The following CFDP1 variants were observed in gnomAD, a reference collection of about 807,000 sequenced individuals.
The protein encoded by CFDP1 is heterochromatin-stabilizing protein CFDP1.
A neutral mutation model predicts 40.1 loss-of-function variants in CFDP1; 31 were observed. That is an observed-to-expected ratio of 0.77 (90% CI 0.58 to 1.04). The LOEUF is 1.04. Ranked by LOEUF, CFDP1 falls within the 50% of genes least tolerant of loss-of-function variation. The pLI, the probability that CFDP1 is intolerant of heterozygous loss-of-function variation, is 0.00. For synonymous variants in CFDP1, 167 were observed against 120.0 expected (o/e 1.39, Z -2.56); for missense variants, 423 against 343.4 (o/e 1.23, Z -1.83).
chr16:75,301,228 T>G (rs1359921608), intron 6 of CFDP1, among the ~76,000 whole-genome samples: 1 of 152,146 alleles, frequency 6.6e-6, no homozygotes, highest in Non-Finnish European at 1.5e-5. Flanking sequence ...CTACTTTATA[T>G]ATGAAGAAAA....
At chr16:75,309,543 G>T (rs1266263703) in intron 5 of CFDP1, among the ~76,000 whole-genome samples, 1 of 151,952 alleles carries the variant, frequency 6.6e-6, no homozygotes, top group Non-Finnish European at 1.5e-5. Flanking sequence ...CAATCCAACC[G>T]GGCGCTGTGG....
chr16:75,348,336 A>G (rs113227591), intron 5 of CFDP1, among the ~76,000 whole-genome samples: 66 of 152,244 alleles, frequency 4.3e-4, no homozygotes, highest in Non-Finnish European at 7.6e-4. Flanking sequence ...CTAAGATTAT[A>G]TAAGATGTCA....
intron 4 of CFDP1, 142 bp from the exon 5 acceptor site, chr16:75,395,351 C>G: frequency 1.1e-6 from 1 of 885,598 alleles, no homozygotes; most frequent in Non-Finnish European, 1.7e-6. Flanking sequence ...TAAAAGTTTA[C>G]TATAACTTTC....
At chr16:75,430,585 T>C (rs773267371) in intron 1 of CFDP1, among the ~76,000 whole-genome samples, 1 of 151,876 alleles carries the variant, frequency 6.6e-6, no homozygotes, top group African/African-American at 2.4e-5. Context: ...TGCCTCAGCC[T>C]CCCCAGTAGA....
chr16:75,433,449 G>T lies in CFDP1; in HGVS notation c.-97C>A, dbSNP rs566950171. On this transcript the variant is annotated 5_prime_UTR_variant, in exon 1 of 7. Coordinates refer to ENST00000283882, the MANE Select transcript of CFDP1 (RefSeq NM_006324.3). ...GAGACCATAGAGCCCCGGCGGCGGC[G>T]ACGGCAGCTAGGGCGGCCCCCGACA... 2 of 1,261,276 alleles carry T rather than the reference G, an allele frequency of 1.6e-6. No homozygotes were observed. The highest frequency in any genetic ancestry group is 2.4e-4 in the Middle Eastern group (1 of 4,124). 78.1% of individuals were successfully genotyped at this position (1,261,276 alleles called of 1,614,324 possible).
chr16:75,304,058 C>A (rs1040334018), intron 6 of CFDP1, among the ~76,000 whole-genome samples: 170 of 48,682 alleles, frequency 3.5e-3, no homozygotes, highest in Non-Finnish European at 7.6e-3. Flanking sequence ...TTTTCTTTTC[C>A]TTTCTCTCTC....
chr16:75,327,053 G>A (rs2078407008), intron 5 of CFDP1, among the ~76,000 whole-genome samples: 1 of 152,166 alleles, frequency 6.6e-6, no homozygotes, highest in South Asian at 2.1e-4. Context: ...GGCGGATCAT[G>A]AGGTCAGGAG....
At chr16:75,386,373 T>C (rs1173251657) in intron 5 of CFDP1, among the ~76,000 whole-genome samples, 1 of 152,200 alleles carries the variant, frequency 6.6e-6, no homozygotes, top group African/African-American at 2.4e-5. Flanking sequence ...AGGTATTCAA[T>C]CCGAACTGAC....
At chr16:75,424,904 T>C (rs1215580154) in intron 1 of CFDP1, among the ~76,000 whole-genome samples, 1 of 152,176 alleles carries the variant, frequency 6.6e-6, no homozygotes, top group Non-Finnish European at 1.5e-5. Flanking sequence ...ATAAAACTGT[T>C]TCTATTCACA....
At chr16:75,352,484 TGAA>T (rs1347604477) in intron 5 of CFDP1, among the ~76,000 whole-genome samples, 1 of 152,002 alleles carries the variant, frequency 6.6e-6, no homozygotes, top group Non-Finnish European at 1.5e-5. Context: ...AACAAATAAA[TGAA>T]GAAATGATAA....
At chr16:75,431,081 A>G (rs1284850993) in intron 1 of CFDP1, among the ~76,000 whole-genome samples, 1 of 152,200 alleles carries the variant, frequency 6.6e-6, no homozygotes. Context: ...AGAGAAAACA[A>G]GAAGTGCAGG....
chr16:75,325,799 C>T (rs1027701734), intron 5 of CFDP1, among the ~76,000 whole-genome samples: 14 of 152,200 alleles, frequency 9.2e-5, no homozygotes, highest in African/African-American at 3.4e-4. Flanking sequence ...CATTGGCTAA[C>T]CTCTTAGTTG....
chr16:75,352,602 TTA>T (rs2078620962), intron 5 of CFDP1, among the ~76,000 whole-genome samples: 3 of 152,164 alleles, frequency 2.0e-5, no homozygotes, highest in Admixed American at 6.5e-5. Flanking sequence ...ACAGGGACGT[TTA>T]TGTCTTCCTT....
intron 6 of CFDP1, among the ~76,000 whole-genome samples, chr16:75,297,766 G>A (rs1225762925): frequency 2.6e-5 from 4 of 152,192 alleles, no homozygotes; most frequent in Admixed American, 2.6e-4. Flanking sequence ...TTTAGAACCA[G>A]GTTAGGCACA....
chr16:75,364,975 T>C (rs2078704040), intron 5 of CFDP1, among the ~76,000 whole-genome samples: 1 of 152,214 alleles, frequency 6.6e-6, no homozygotes. Context: ...GTATTTTAAA[T>C]AGATGGGTGC....
At chr16:75,326,928 G>C (rs545460599) in intron 5 of CFDP1, among the ~76,000 whole-genome samples, 1 of 152,290 alleles carries the variant, frequency 6.6e-6, no homozygotes, top group East Asian at 1.9e-4. Context: ...CAAAAATTTA[G>C]CTCCCATAAA....
chr16:75,416,653 C>T (rs1432042532), intron 1 of CFDP1, among the ~76,000 whole-genome samples: 1 of 152,008 alleles, frequency 6.6e-6, no homozygotes, highest in Non-Finnish European at 1.5e-5. Context: ...TAAGCTGAGG[C>T]AGAAAGATCA....
At chr16:75,374,129 T>A (rs2078773990) in intron 5 of CFDP1, among the ~76,000 whole-genome samples, 1 of 152,048 alleles carries the variant, frequency 6.6e-6, no homozygotes, top group African/African-American at 2.4e-5. Context: ...GGTGGGTGCC[T>A]ATAGTCCCAG....
chr16:75,329,016 T>C (rs2078425626), intron 5 of CFDP1, among the ~76,000 whole-genome samples: 1 of 151,970 alleles, frequency 6.6e-6, no homozygotes, highest in African/African-American at 2.4e-5. Flanking sequence ...CTGGCTAATT[T>C]TTTTGTATTT....
Sources: gnomAD v4.1 joint callset for allele counts (sites outside exome capture counted in the v4.1 genomes callset) on GRCh38, gnomAD v4.1.1 for gene constraint, MANE v1.5 for transcripts, NCBI Gene and HGNC (gene_info 2026-07-23, HGNC 2026-07-21) for gene names.